Variants in EFCAB6 observed in about 807,000 individuals in gnomAD.
The protein encoded by EFCAB6 is EF-hand calcium-binding domain-containing protein 6.
A neutral mutation model predicts 169.8 loss-of-function variants in EFCAB6; 156 were observed. That is an observed-to-expected ratio of 0.92 (90% CI 0.81 to 1.05). EFCAB6 has a LOEUF of 1.05. Ranked by LOEUF, EFCAB6 falls within the 50% of genes least tolerant of loss-of-function variation. EFCAB6 has a pLI of 0.00. For missense variants in EFCAB6, 1,800 were observed against 1,829.1 expected (o/e 0.98, Z 0.29); for synonymous variants, 698 against 676.4 (o/e 1.03, Z -0.50).
chr22:43,534,823 C>A lies in EFCAB6; in HGVS notation c.4098G>T (p.Gln1366His), dbSNP rs766710333. The change falls in exon 30 of 32, where the codon CAG (glutamine) becomes CAT (histidine). Residue 1366 changes from glutamine to histidine, a missense_variant. Transcript: ENST00000262726. ...NLDISKEECQ[Q>H]LIIKYDLKSN... ...TCTTTAAGTCGTATTTTATAATGAG[C>A]TGCTGACACTCCTCTTTGCTTATGT... The A allele has an allele frequency of 6.2e-7, 1 of 1,613,478 alleles. No homozygotes were observed. Among genetic ancestry groups the A allele is most frequent in the Non-Finnish European group, 8.5e-7 (1 of 1,179,854 alleles).
At chr22:43,675,172 GT>G (rs2057669847) in intron 13 of EFCAB6, among the ~76,000 whole-genome samples, 3 of 146,002 alleles carry the variant, frequency 2.1e-5, no homozygotes, top group African/African-American at 7.5e-5. Flanking sequence ...TAGTAATATA[GT>G]TAATATATAA....
chr22:43,555,499 T>G (rs529262483), intron 26 of EFCAB6, among the ~76,000 whole-genome samples: 5 of 152,360 alleles, frequency 3.3e-5, no homozygotes, highest in Non-Finnish European at 4.4e-5. Context: ...GGCACCCACA[T>G]GCTTTCATTT....
intron 3 of EFCAB6, among the ~76,000 whole-genome samples, chr22:43,776,463 A>G (rs2061645082): frequency 6.6e-6 from 1 of 152,242 alleles, no homozygotes; most frequent in Non-Finnish European, 1.5e-5. Context: ...TGACACGTGC[A>G]ATGAAAATGG....
At chr22:43,551,629 C>A (rs1292346881) in intron 27 of EFCAB6, among the ~76,000 whole-genome samples, 1 of 152,078 alleles carries the variant, frequency 6.6e-6, no homozygotes, top group Non-Finnish European at 1.5e-5. Context: ...TGAAGCCCAG[C>A]ATCCATTAGC....
chr22:43,643,427 A>G (rs1208207642), intron 17 of EFCAB6, among the ~76,000 whole-genome samples: 1 of 152,238 alleles, frequency 6.6e-6, no homozygotes. Context: ...AGAAACCCAA[A>G]GCCCAGAGAT....
At chr22:43,684,037 G>A (rs1352419712) in intron 11 of EFCAB6, among the ~76,000 whole-genome samples, 182 bp from the exon 12 acceptor site, 1 of 152,198 alleles carries the variant, frequency 6.6e-6, no homozygotes, top group Non-Finnish European at 1.5e-5. Flanking sequence ...TGTGATCAGA[G>A]AGATGCCACG....
intron 27 of EFCAB6, among the ~76,000 whole-genome samples, chr22:43,550,505 C>G (rs2048318942): frequency 6.6e-6 from 1 of 152,054 alleles, no homozygotes; most frequent in Non-Finnish European, 1.5e-5. Flanking sequence ...AACCCTGTCT[C>G]TACTAAAAAT....
At chr22:43,542,440 C>T (rs187899639) in intron 27 of EFCAB6, among the ~76,000 whole-genome samples, 152 of 152,196 alleles carry the variant, frequency 1.0e-3, no homozygotes, top group African/African-American at 3.4e-3. Flanking sequence ...ATTAGCTGGG[C>T]GTGGTGGCAG....
At chr22:43,665,007 CA>C (rs1182576360) in intron 17 of EFCAB6, among the ~76,000 whole-genome samples, 1 of 152,060 alleles carries the variant, frequency 6.6e-6, no homozygotes, top group Non-Finnish European at 1.5e-5. Flanking sequence ...AGGGAGCCAA[CA>C]GGCTTTGTTG....
intron 7 of EFCAB6, among the ~76,000 whole-genome samples, chr22:43,734,018 C>T (rs1161765684): frequency 6.6e-6 from 1 of 152,124 alleles, no homozygotes; most frequent in African/African-American, 2.4e-5. Context: ...GTCCCCATTT[C>T]TTTAAGAGAA....
intron 26 of EFCAB6, among the ~76,000 whole-genome samples, chr22:43,570,815 CCT>C (rs1034687647): frequency 6.6e-6 from 1 of 152,184 alleles, no homozygotes; most frequent in Admixed American, 6.5e-5. Context: ...AGCTCGCAGG[CCT>C]CTGTGCCTCC....
At chr22:43,776,672 G>C (rs2061651137) in intron 3 of EFCAB6, among the ~76,000 whole-genome samples, 1 of 152,138 alleles carries the variant, frequency 6.6e-6, no homozygotes, top group Admixed American at 6.5e-5. Flanking sequence ...GAAGGAGCTT[G>C]ATACGTCCAT....
chr22:43,796,276 C>T (rs969165476), intron 2 of EFCAB6, among the ~76,000 whole-genome samples: 10 of 151,886 alleles, frequency 6.6e-5, no homozygotes, highest in East Asian at 1.9e-4. Flanking sequence ...CTATTAATGC[C>T]GTGGGAGCCA....
At chr22:43,584,277 A>T (rs1435696060) in intron 24 of EFCAB6, among the ~76,000 whole-genome samples, 1 of 152,216 alleles carries the variant, frequency 6.6e-6, no homozygotes, top group Non-Finnish European at 1.5e-5. Context: ...AGACAGGCAC[A>T]TGCAGAGAAT....
At chr22:43,797,701 C>T (rs67127242) in intron 2 of EFCAB6, among the ~76,000 whole-genome samples, 24,580 of 151,946 alleles carry the variant, frequency 0.16, 2,085 homozygotes, top group South Asian at 0.22. Context: ...CTGATCTCCT[C>T]GTGTTACTTC....
Position 43,530,520 on chromosome 22 carries a change from T to C in EFCAB6, c.4383+295A>G, listed in dbSNP as rs929048984. On this transcript the variant is annotated intron_variant, in intron 31 of 31. Coordinates refer to ENST00000262726, the MANE Select transcript of EFCAB6 (RefSeq NM_022785.4). The stretch of plus-strand genomic sequence containing the variant: ...GGGCTCGGAGCAGCAGCAGCAGTGA[T>C]GGCAGTGCCTTAAGGAACCTGGGCT... The C allele has an allele frequency of 1.4e-5, 14 of 985,220 alleles. No homozygotes were observed. The African/African-American group carries it at 2.3e-4, about 16-fold the overall frequency. The allele number at this position is 985,220 out of a possible 1,614,324, so 61.0% of individuals were successfully genotyped here.
chr22:43,552,633 G>A (rs780213650), intron 27 of EFCAB6: 10 of 152,112 alleles, frequency 6.6e-5, no homozygotes, highest in East Asian at 1.9e-4. Context: ...AGAAAGCCGC[G>A]TTTAAAAATA....
intron 23 of EFCAB6, 32 bp from the exon 24 acceptor site, chr22:43,590,261 A>G (rs16990783): frequency 0.043 from 69,360 of 1,594,518 alleles, 1,938 homozygotes; most frequent in African/African-American, 0.13. Flanking sequence ...ACATACCCTA[A>G]AATCAGGAAA....
intron 8 of EFCAB6, among the ~76,000 whole-genome samples, chr22:43,730,742 G>A (rs2059919661): frequency 2.0e-5 from 3 of 152,114 alleles, no homozygotes; most frequent in South Asian, 4.1e-4. Context: ...CCTGCCTCAC[G>A]TGGTCGTGGG....
Sources: gnomAD v4.1 joint callset for allele counts (sites outside exome capture counted in the v4.1 genomes callset) on GRCh38, gnomAD v4.1.1 for gene constraint, MANE v1.5 for transcripts, NCBI Gene and HGNC (gene_info 2026-07-23, HGNC 2026-07-21) for gene names.